Variants in TENM4 observed in about 807,000 individuals in gnomAD.
The protein encoded by TENM4 is teneurin transmembrane protein 4, also known as teneurin-4.
TENM4 carries 82 observed loss-of-function variants against 243.3 expected under a neutral mutation model. The ratio of observed to expected loss-of-function variants is 0.34; its 90% CI spans 0.28 to 0.40. TENM4 has a LOEUF of 0.40. Ranked by LOEUF, TENM4 falls within the 10% of genes least tolerant of loss-of-function variation. TENM4 has a pLI of 1.00. For synonymous variants in TENM4, 1,412 were observed against 1,456.3 expected (o/e 0.97, Z 0.69); for missense variants, 3,138 against 3,673.3 (o/e 0.85, Z 3.77).
At chr11:78,856,940 C>T (rs1858694469) in intron 10 of TENM4, among the ~76,000 whole-genome samples, 1 of 152,166 alleles carries the variant, frequency 6.6e-6, no homozygotes, top group Admixed American at 6.5e-5. Context: ...AGCATCCATG[C>T]AGGGTGTCAT....
At chr11:78,841,455 C>G (rs902964573) in intron 12 of TENM4, among the ~76,000 whole-genome samples, 2 of 152,148 alleles carry the variant, frequency 1.3e-5, no homozygotes, top group Non-Finnish European at 2.9e-5. Context: ...CACTGCTGAC[C>G]CTGAGATCAG....
chr11:78,699,694 C>T (rs1859058645), intron 28 of TENM4, among the ~76,000 whole-genome samples: 1 of 152,172 alleles, frequency 6.6e-6, no homozygotes, highest in Admixed American at 6.5e-5. Flanking sequence ...TCAACTATAG[C>T]TGTATATTTC....
chr11:78,790,400 A>G (rs144769847), intron 15 of TENM4, among the ~76,000 whole-genome samples: 32 of 152,312 alleles, frequency 2.1e-4, no homozygotes, highest in African/African-American at 7.2e-4. Flanking sequence ...CACTTCACCA[A>G]TTTCACAGGG....
intron 2 of TENM4, among the ~76,000 whole-genome samples, chr11:79,285,391 G>A (rs1262304420): frequency 6.6e-6 from 1 of 152,182 alleles, no homozygotes; most frequent in African/African-American, 2.4e-5. Context: ...AATTGGAAAT[G>A]TCATACATTG....
chr11:79,428,072 G>A (rs1859092427), intron 1 of TENM4, among the ~76,000 whole-genome samples: 1 of 152,234 alleles, frequency 6.6e-6, no homozygotes, highest in Admixed American at 6.5e-5. Context: ...CAAGGTCTTA[G>A]AGCTCTGCTA....
At chr11:79,065,142 C>T in intron 5 of TENM4, 135 bp from the exon 6 acceptor site, 1 of 1,354,726 alleles carries the variant, frequency 7.4e-7, no homozygotes. Context: ...ATGCCCATGC[C>T]TTTGTTCAAG....
chr11:78,818,265 A>G (rs537804107), intron 12 of TENM4, among the ~76,000 whole-genome samples: 2 of 152,228 alleles, frequency 1.3e-5, no homozygotes, highest in Admixed American at 6.5e-5. Flanking sequence ...TCAACTGCAG[A>G]TAAGTGTTAT....
intron 3 of TENM4, among the ~76,000 whole-genome samples, chr11:79,189,045 T>C (rs1212869731): frequency 2.6e-5 from 4 of 152,198 alleles, no homozygotes. Flanking sequence ...GCCTTTCTTG[T>C]TGAATTTTAG....
At chr11:79,223,256 A>G (rs1864199167) in intron 2 of TENM4, among the ~76,000 whole-genome samples, 1 of 152,174 alleles carries the variant, frequency 6.6e-6, no homozygotes. Context: ...GGCAGGGGAG[A>G]AAACTGTTCT....
chr11:78,922,762 G>T (rs551263492), intron 6 of TENM4, among the ~76,000 whole-genome samples: 1 of 152,186 alleles, frequency 6.6e-6, no homozygotes, highest in South Asian at 2.1e-4. Context: ...AAACAAAAAT[G>T]TTCCTCAAGT....
intron 12 of TENM4, among the ~76,000 whole-genome samples, chr11:78,822,114 C>T (rs1857746415): frequency 6.6e-6 from 1 of 152,088 alleles, no homozygotes; most frequent in Admixed American, 6.5e-5. Flanking sequence ...AAGGAGAGAG[C>T]AAATTAATGA....
intron 2 of TENM4, among the ~76,000 whole-genome samples, chr11:79,281,602 G>T (rs1856158190): frequency 6.6e-6 from 1 of 152,184 alleles, no homozygotes; most frequent in Non-Finnish European, 1.5e-5. Flanking sequence ...TTGGTGATGT[G>T]GGATGGCTCT....
At chr11:79,248,220 G>A (rs375252167) in intron 2 of TENM4, among the ~76,000 whole-genome samples, 5 of 152,176 alleles carry the variant, frequency 3.3e-5, no homozygotes, top group African/African-American at 9.7e-5. Context: ...CTCCCCACAA[G>A]GTACCTGGCA....
intron 4 of TENM4, among the ~76,000 whole-genome samples, chr11:79,129,604 T>C (rs1434905753): frequency 1.3e-5 from 2 of 152,038 alleles, no homozygotes; most frequent in African/African-American, 2.4e-5. Context: ...AGGCCTGTGA[T>C]TGCTGGCTTT....
At chr11:78,712,300 A>G (rs2135803865) in intron 26 of TENM4, among the ~76,000 whole-genome samples, 182 bp downstream of exon 26, 1 of 152,364 alleles carries the variant, frequency 6.6e-6, no homozygotes, top group East Asian at 1.9e-4. Context: ...AGACTAGGAG[A>G]GAAGACAGGA....
intron 6 of TENM4, among the ~76,000 whole-genome samples, chr11:79,026,218 G>A (rs1859074219): frequency 6.6e-6 from 1 of 151,734 alleles, no homozygotes. Flanking sequence ...AGTCCTACAT[G>A]ACCCTGGGTG....
chr11:78,841,136 T>C (rs1304925713), intron 12 of TENM4, among the ~76,000 whole-genome samples: 1 of 152,208 alleles, frequency 6.6e-6, no homozygotes, highest in African/African-American at 2.4e-5. Context: ...TAACTCATTT[T>C]AACTTCATAA....
intron 24 of TENM4, among the ~76,000 whole-genome samples, chr11:78,722,388 G>C (rs577629823): frequency 6.6e-6 from 1 of 152,330 alleles, no homozygotes; most frequent in South Asian, 2.1e-4. Context: ...AGAAGATTCA[G>C]TGGCTTCCAA....
At chr11:78,706,459 G>A (rs1430531103) in intron 27 of TENM4, among the ~76,000 whole-genome samples, 1 of 152,182 alleles carries the variant, frequency 6.6e-6, no homozygotes, top group Admixed American at 6.5e-5. Flanking sequence ...TCCCCATGGG[G>A]CAGCGGAGTA....
Sources: gnomAD v4.1 joint callset for allele counts (sites outside exome capture counted in the v4.1 genomes callset) on GRCh38, gnomAD v4.1.1 for gene constraint, MANE v1.5 for transcripts, NCBI Gene and HGNC (gene_info 2026-07-23, HGNC 2026-07-21) for gene names.